The following USP3 variants were observed in gnomAD, a reference collection of about 807,000 sequenced individuals.
USP3 encodes ubiquitin carboxyl-terminal hydrolase 3.
A neutral mutation model predicts 72.3 loss-of-function variants in USP3; 20 were observed. The ratio of observed to expected loss-of-function variants is 0.28; its 90% confidence interval spans 0.19 to 0.40. USP3 has a LOEUF of 0.40. Ranked by LOEUF, USP3 falls within the 10% of genes least tolerant of loss-of-function variation. The pLI is 1.00. For synonymous variants in USP3, 222 were observed against 225.3 expected (o/e 0.99, Z 0.13); for missense variants, 479 against 633.9 (o/e 0.76, Z 2.62).
At position 63,556,655 on chromosome 15, in the gene USP3, G is replaced by A; in HGVS notation, c.369-12G>A. ...TTAATAACTTTTTCACTATCTGTTT[G>A]TGTTTTAATAGCTCAGCTTTCACAG... On this transcript the variant is annotated splice_polypyrimidine_tract_variant and intron_variant, in intron 4 of 14. Coordinates refer to ENST00000380324, the MANE Select transcript of USP3 (RefSeq NM_006537.4). 6.3e-7 allele frequency: 1 copy of A among 1,594,228 alleles called. No homozygotes were observed. The highest frequency in any genetic ancestry group is 1.7e-4 in the Middle Eastern group (1 of 5,952).
rs776442183 is a variant in USP3, at chr15:63,559,950, G to A, written c.627G>A (p.Arg209=). Residue 209 remains arginine, a synonymous_variant, in exon 7 of 15, where the codon AGG becomes AGA. Coordinates refer to ENST00000380324, the MANE Select transcript of USP3 (RefSeq NM_006537.4). ...KTAGRRTYHT[R]SQGDNNVSLV... ...CAGGAAGGCGGACATACCACACCAG[G>A]AGCCAAGGGGATAACAATGTGTGAG... 27 of 1,613,924 alleles carry A rather than the reference G, an allele frequency of 1.7e-5. No individual in the cohort carries two copies. The highest frequency in any genetic ancestry group is 4.0e-5 in the African/African-American group (3 of 75,024).
intron 1 of USP3, among the ~76,000 whole-genome samples, chr15:63,506,816 G>A (rs1332669753): frequency 6.6e-6 from 1 of 152,136 alleles, no homozygotes; most frequent in Non-Finnish European, 1.5e-5. Flanking sequence ...TGCAAGCCTG[G>A]GTCTAGTCAC....
chr15:63,586,241 C>T (rs1412751628), intron 11 of USP3, among the ~76,000 whole-genome samples: 1 of 152,142 alleles, frequency 6.6e-6, no homozygotes. Context: ...AAGTGAGCAT[C>T]CTTGTCTTCC....
At chr15:63,523,695 T>C (rs1364131851) in intron 1 of USP3, among the ~76,000 whole-genome samples, 1 of 152,202 alleles carries the variant, frequency 6.6e-6, no homozygotes, top group Non-Finnish European at 1.5e-5. Flanking sequence ...TAGTTCCAGC[T>C]TACAAAGGCC....
intron 1 of USP3, among the ~76,000 whole-genome samples, chr15:63,531,755 C>G (rs1461930674): frequency 6.6e-6 from 1 of 152,092 alleles, no homozygotes; most frequent in Non-Finnish European, 1.5e-5. Flanking sequence ...TTACTATGAT[C>G]CTGTGTGGTT....
chr15:63,561,241 A>C (rs1207183796), intron 7 of USP3, among the ~76,000 whole-genome samples: 5 of 152,068 alleles, frequency 3.3e-5, no homozygotes, highest in Non-Finnish European at 5.9e-5. Flanking sequence ...GAGTTAAGAG[A>C]AGAGTTAGTA....
At chr15:63,577,962 G>C (rs1010032445) in intron 11 of USP3, among the ~76,000 whole-genome samples, 3 of 150,186 alleles carry the variant, frequency 2.0e-5, no homozygotes, top group East Asian at 2.0e-4. Flanking sequence ...AATAGATACT[G>C]ATAAAATCCC....
chr15:63,521,641 G>C (rs1237703170), intron 1 of USP3, among the ~76,000 whole-genome samples: 2 of 152,172 alleles, frequency 1.3e-5, no homozygotes, highest in African/African-American at 2.4e-5. Context: ...ATTTTAAGCA[G>C]TTAACTGTTC....
chr15:63,531,631 G>A (rs145871909), intron 1 of USP3, among the ~76,000 whole-genome samples: 241 of 152,230 alleles, frequency 1.6e-3, no homozygotes, highest in African/African-American at 5.5e-3. Context: ...ACGGGATTGG[G>A]CAAGAGAAAT....
rs555556750 is a variant in USP3 at position 63,544,666 on chromosome 15, C to G, written c.284+7510C>G. 2 of 699,698 alleles carry G rather than the reference C, an allele frequency of 2.9e-6. No homozygotes were observed. The highest frequency in any genetic ancestry group is 5.2e-6 in the Non-Finnish European group (2 of 383,612). 43.3% of individuals were successfully genotyped at this position (699,698 alleles called of 1,614,324 possible). A position where few individuals can be genotyped will look rare whatever the true frequency, so the allele number is the denominator to read the frequency against. ...GGAAGAATGTAAAGATGGAGATGAC[C>G]GAATGAGGAATATTGTTTTGCCATT... On this transcript the variant is annotated intron_variant, in intron 3 of 14. Transcript: ENST00000380324. The surrounding 1 kb of genome is among the most constrained non-coding windows in gnomAD (Gnocchi z 4.2).
intron 11 of USP3, among the ~76,000 whole-genome samples, chr15:63,585,084 T>A (rs2067033646): frequency 6.6e-6 from 1 of 152,218 alleles, no homozygotes; most frequent in African/African-American, 2.4e-5. Flanking sequence ...TTCATTGGTC[T>A]GTATGTCTGT....
chr15:63,546,839 A>AC (rs2066336258), intron 3 of USP3, among the ~76,000 whole-genome samples: 1 of 152,020 alleles, frequency 6.6e-6, no homozygotes, highest in Admixed American at 6.6e-5. Flanking sequence ...CAGTCTCCTG[A>AC]CCTCGTGATC....
At chr15:63,510,080 C>T (rs984255348) in intron 1 of USP3, among the ~76,000 whole-genome samples, 3 of 152,200 alleles carry the variant, frequency 2.0e-5, no homozygotes, top group African/African-American at 4.8e-5. Flanking sequence ...GCTCGTGTAA[C>T]AGCCTCCTTT....
intron 11 of USP3, among the ~76,000 whole-genome samples, chr15:63,581,343 TTTTGTG>T (rs1234695355): frequency 4.5e-4 from 60 of 132,482 alleles, no homozygotes; most frequent in African/African-American, 1.4e-3. Flanking sequence ...TTGTGTTGGT[TTTTGTG>T]TGTGTGTGTG....
chr15:63,524,816 T>A (rs1028503323), intron 1 of USP3, among the ~76,000 whole-genome samples: 42 of 152,262 alleles, frequency 2.8e-4, no homozygotes, highest in African/African-American at 8.7e-4. Context: ...GTGGATTTCA[T>A]AAGGCCTGGA....
rs1358927943 is a variant in USP3 at position 63,553,308 on chromosome 15, C to T, written c.285-407C>T. 10 of 153,462 alleles carry T rather than the reference C, an allele frequency of 6.5e-5. No individual in the cohort carries two copies. Among genetic ancestry groups the T allele is most frequent in the African/African-American group, 2.4e-4 (10 of 41,500 alleles). 9.5% of individuals were successfully genotyped at this position (153,462 alleles called of 1,614,324 possible). A position where few individuals can be genotyped will look rare whatever the true frequency, so the allele number is the denominator to read the frequency against. On this transcript the variant is annotated intron_variant, in intron 3 of 14. Coordinates refer to ENST00000380324, the MANE Select transcript of USP3 (RefSeq NM_006537.4). This position sits in a 1 kb window ranked among gnomAD's most constrained non-coding sequence, Gnocchi z 4.2. ...TTCCCTGCTTTTCACTTAAATCTCTCCTTCCCCCAATTCCCCATTAATTTG... is the reference window on the plus strand; with the variant it reads ...TTCCCTGCTTTTCACTTAAATCTCTTCTTCCCCCAATTCCCCATTAATTTG...
At chr15:63,573,994 C>A (rs2066820769) in intron 9 of USP3, 52 bp from the exon 10 acceptor site, 1 of 1,315,482 alleles carries the variant, frequency 7.6e-7, no homozygotes, top group Non-Finnish European at 1.0e-6. Context: ...TTTTAAATGT[C>A]AAAGAGATGG....
In USP3 at chr15:63,574,169, A is replaced by T; in HGVS notation, c.1015+17A>T. 1.3e-6 allele frequency: 2 copies of T among 1,494,484 alleles called. No individual in the cohort carries two copies. The highest frequency in any genetic ancestry group is 2.8e-5 in the African/African-American group (2 of 70,982). The allele number at this position is 1,494,484 out of a possible 1,614,324, so 92.6% of individuals were successfully genotyped here. On this transcript the variant is annotated intron_variant, in intron 10 of 14. Coordinates refer to ENST00000380324, the MANE Select transcript of USP3 (RefSeq NM_006537.4). The surrounding 1 kb of genome is among the most constrained non-coding windows in gnomAD (Gnocchi z 4.6). ...CATTCCTAGGTAAGATATATGTGGCATGTGGATATATAATATTTTATTAAA... is the reference window on the plus strand; with the variant it reads ...CATTCCTAGGTAAGATATATGTGGCTTGTGGATATATAATATTTTATTAAA...
At position 63,574,856 on chromosome 15, in the gene USP3, A is replaced by G. The variant is rs1484489909; in HGVS notation, c.1096+453A>G. Among the ~76,000 whole-genome samples, 1 of 152,202 alleles carries G rather than the reference A, an allele frequency of 6.6e-6. No individual in the cohort carries two copies. The highest frequency in any genetic ancestry group is 1.5e-5 in the Non-Finnish European group (1 of 68,028). Reference sequence around the variant, plus strand: ...GAGGCCCTGCTTTTAAGACTGTTAAAATTCACATGTATTTAGGGAGATTTG... The same window carrying G: ...GAGGCCCTGCTTTTAAGACTGTTAAGATTCACATGTATTTAGGGAGATTTG... On this transcript the variant is annotated intron_variant, in intron 11 of 14. Transcript: ENST00000380324. The surrounding 1 kb of genome is among the most constrained non-coding windows in gnomAD (Gnocchi z 4.6).
Sources: allele counts gnomAD v4.1 joint callset (sites outside exome capture counted in the v4.1 genomes callset), GRCh38; gene constraint gnomAD v4.1.1; non-coding constraint Gnocchi (gnomAD v3.1); transcripts MANE v1.5; gene names NCBI Gene and HGNC (gene_info 2026-07-23, HGNC 2026-07-21).